Variants in CRYBG3 observed in about 807,000 individuals in gnomAD.
CRYBG3 encodes the protein crystallin beta-gamma domain containing 3.
In CRYBG3, 127 loss-of-function variants were observed where a neutral mutation model predicts 244.2. The observed-to-expected ratio is 0.52, with a 90% CI of 0.45 to 0.60. The LOEUF is 0.60. Ranked by LOEUF, CRYBG3 falls within the 20% of genes least tolerant of loss-of-function variation. The probability of loss-of-function intolerance (pLI) is 0.00; values close to 1 mark genes in which losing one functional copy is unlikely to be tolerated. For missense variants in CRYBG3, 3,325 were observed against 3,442.5 expected, an observed-to-expected ratio of 0.97 and a Z score of 0.85; for synonymous variants, 1,132 against 1,195.8, an observed-to-expected ratio of 0.95 and a Z score of 1.10.
intron 19 of CRYBG3, among the ~76,000 whole-genome samples, chr3:97,939,305 T>A (rs536365521): frequency 1.3e-4 from 20 of 152,200 alleles, no homozygotes; most frequent in African/African-American, 4.8e-4. Flanking sequence ...TTATTTTTCC[T>A]TTTGTTTATT....
Position 97,892,917 on chromosome 3 carries a change from A to G in CRYBG3, c.7498A>G (p.Ile2500Val), listed in dbSNP as rs1411382195. ...HGQAKEFSEHIDSVPNFLKNN... is the reference protein window; with the variant it reads ...HGQAKEFSEHVDSVPNFLKNN... Reference sequence around the variant, plus strand: ...ACAGGCTAAAGAGTTTAGTGAACATATAGATTCTGTTCCTAATTTTTTGAA... The same window carrying G: ...ACAGGCTAAAGAGTTTAGTGAACATGTAGATTCTGTTCCTAATTTTTTGAA... Residue 2500 changes from isoleucine to valine, a missense_variant, in exon 11 of 22, where the codon ATA becomes GTA. Physicochemically the swap from Ile to Val is conservative, Grantham distance 29. Around this residue, in one of 4 missense-constraint regions of CRYBG3, gnomAD observed 714 missense variants for 803.6 expected, o/e 0.89. Coordinates refer to ENST00000389622, the MANE Select transcript of CRYBG3 (RefSeq NM_153605.4). 8 of 1,588,046 alleles carry G rather than the reference A, an allele frequency of 5.0e-6. No homozygotes were observed. The highest frequency in any genetic ancestry group is 2.3e-5 in the South Asian group (2 of 88,296).
intron 17 of CRYBG3, among the ~76,000 whole-genome samples, chr3:97,916,072 A>C (rs2039925761): frequency 2.0e-5 from 3 of 152,186 alleles, no homozygotes; most frequent in Admixed American, 1.3e-4. Flanking sequence ...AATAATAACA[A>C]TAGCACTTAC....
intron 4 of CRYBG3, 127 bp from the exon 5 acceptor site, chr3:97,879,577 G>A (rs1246856997): frequency 1.6e-6 from 1 of 618,412 alleles, no homozygotes; most frequent in Non-Finnish European, 2.8e-6. Context: ...ATCGAGAGAA[G>A]CACCTTGCTC....
At chr3:97,826,371 G>A (rs553346894) in intron 1 of CRYBG3, among the ~76,000 whole-genome samples, 2 of 152,216 alleles carry the variant, frequency 1.3e-5, no homozygotes, top group East Asian at 3.9e-4. Context: ...TATATAATCA[G>A]AACTTCTAAC....
chr3:97,886,163 T>C (rs1342095876), intron 7 of CRYBG3, among the ~76,000 whole-genome samples: 2 of 152,190 alleles, frequency 1.3e-5, no homozygotes, highest in East Asian at 3.8e-4. Context: ...CTTTTGTCAA[T>C]GTAAATTAGA....
At chr3:97,892,302 C>T (rs1179385220) in intron 10 of CRYBG3, among the ~76,000 whole-genome samples, 1 of 152,104 alleles carries the variant, frequency 6.6e-6, no homozygotes, top group African/African-American at 2.4e-5. Flanking sequence ...GCTATTGTTT[C>T]TACGGTTAAT....
At chr3:97,852,631 A>G (rs915052930) in intron 2 of CRYBG3, among the ~76,000 whole-genome samples, 6 of 152,188 alleles carry the variant, frequency 3.9e-5, no homozygotes, top group African/African-American at 1.4e-4. Context: ...TAGTGCTGCA[A>G]TAAACATGGG....
intron 15 of CRYBG3, among the ~76,000 whole-genome samples, chr3:97,903,708 G>T (rs1229898818): frequency 1.3e-5 from 2 of 152,038 alleles, no homozygotes; most frequent in African/African-American, 2.4e-5. Flanking sequence ...TTTTTAGTTT[G>T]TCATATTAAA....
At chr3:97,892,212 A>G (rs1576547265) in intron 10 of CRYBG3, among the ~76,000 whole-genome samples, 1 of 152,164 alleles carries the variant, frequency 6.6e-6, no homozygotes, top group South Asian at 2.1e-4. Context: ...CTTGGTACCT[A>G]TAGAATGAAA....
Position 97,872,229 on chromosome 3 carries a change from G to T in CRYBG3, c.1035G>T (p.Arg345Ser), listed in dbSNP as rs1183372592. 6.5e-7 allele frequency: 1 copy of T among 1,535,752 alleles called. No homozygotes were observed. The highest frequency in any genetic ancestry group is 1.2e-5 in the South Asian group (1 of 84,036). The change falls in exon 4 of 22, where the codon AGG (arginine) becomes AGT (serine). Residue 345 changes from arginine (R) to serine (S), a missense_variant. This residue lies in a region of CRYBG3 where 1,526 missense variants were observed against 1,443.2 expected (regional missense o/e 1.06). Transcript: ENST00000389622. ...KNAWGSIERN[R>S]SSPSSVTNSS... ...CTTGGGGGAGTATTGAGAGAAATAG[G>T]TCATCCCCTTCTTCTGTGACTAACT...
intron 1 of CRYBG3, among the ~76,000 whole-genome samples, chr3:97,827,099 C>G (rs1040064975): frequency 6.6e-6 from 1 of 152,198 alleles, no homozygotes; most frequent in African/African-American, 2.4e-5. Context: ...CCTCCTTGAC[C>G]CTTCAGGCTT....
chr3:97,824,369 GTGA>G (rs1368185157), intron 1 of CRYBG3, among the ~76,000 whole-genome samples: 1 of 152,190 alleles, frequency 6.6e-6, no homozygotes, highest in Non-Finnish European at 1.5e-5. Flanking sequence ...ACCTTCTGTA[GTGA>G]TGATTTTAGA....
At chr3:97,898,285 A>G (rs2108238397) in intron 12 of CRYBG3, among the ~76,000 whole-genome samples, 1 of 151,002 alleles carries the variant, frequency 6.6e-6, no homozygotes, top group East Asian at 1.9e-4. Context: ...TTAATTTACT[A>G]ATGAAATTAG....
chr3:97,926,678 C>G (rs1022836619), intron 17 of CRYBG3, among the ~76,000 whole-genome samples: 2 of 152,052 alleles, frequency 1.3e-5, no homozygotes, highest in Admixed American at 1.3e-4. Context: ...ACCCCATAGT[C>G]TCTGCCCAGA....
At chr3:97,911,110 T>A (rs1407155686) in intron 15 of CRYBG3, among the ~76,000 whole-genome samples, 1 of 152,174 alleles carries the variant, frequency 6.6e-6, no homozygotes. Context: ...TGATCTTTGA[T>A]AACAGATCAA....
intron 1 of CRYBG3, among the ~76,000 whole-genome samples, chr3:97,836,725 G>A (rs1018723402): frequency 3.9e-5 from 6 of 152,104 alleles, no homozygotes; most frequent in Non-Finnish European, 8.8e-5. Context: ...CCTAAAGGAG[G>A]GCTGAGAGGT....
At chr3:97,857,284 G>C (rs2039079195) in intron 2 of CRYBG3, among the ~76,000 whole-genome samples, 1 of 151,970 alleles carries the variant, frequency 6.6e-6, no homozygotes, top group African/African-American at 2.4e-5. Flanking sequence ...TTAATTTGTG[G>C]CCTGAAATAT....
Position 97,892,926 on chromosome 3 carries a change from G to C in CRYBG3, c.7507G>C (p.Val2503Leu), listed in dbSNP as rs1404597550. 6.3e-7 allele frequency: 1 copy of C among 1,595,028 alleles called. No individual in the cohort carries two copies. Among genetic ancestry groups the C allele is most frequent in the Non-Finnish European group, 8.6e-7 (1 of 1,168,028 alleles). The change falls in exon 11 of 22, where the codon GTT (valine) becomes CTT (leucine). Residue 2503 changes from valine (V) to leucine (L), a missense_variant. Val to Leu is a conservative substitution (Grantham distance 32, BLOSUM62 1). This residue lies in a region of CRYBG3 where 714 missense variants were observed against 803.6 expected (regional missense o/e 0.89). Coordinates refer to ENST00000389622, the MANE Select transcript of CRYBG3 (RefSeq NM_153605.4). The stretch of plus-strand genomic sequence containing the variant: ...AGAGTTTAGTGAACATATAGATTCT[G>C]TTCCTAATTTTTTGAAAAATAATGG... ...AKEFSEHIDSVPNFLKNNGDF... is the reference protein window; with the variant it reads ...AKEFSEHIDSLPNFLKNNGDF...
In CRYBG3 at chr3:97,875,882, C is replaced by T. The variant is rs2039365180; in HGVS notation, c.4688C>T (p.Ala1563Val). The T allele has an allele frequency of 8.1e-7, 1 of 1,231,570 alleles. No homozygotes were observed. The highest frequency in any genetic ancestry group is 4.1e-5 in the South Asian group (1 of 24,296). 76.3% of individuals were successfully genotyped at this position (1,231,570 alleles called of 1,614,324 possible). A position where few individuals can be genotyped will look rare whatever the true frequency, so the allele number is the denominator to read the frequency against. The change falls in exon 4 of 22, where the codon GCA becomes GTA. Residue 1563 changes from alanine (A) to valine (V), a missense_variant. By Grantham distance (64) the Ala-to-Val change is moderately conservative. Around this residue, in one of 4 missense-constraint regions of CRYBG3, gnomAD observed 635 missense variants for 771.7 expected, o/e 0.82. Transcript: ENST00000389622. ...GAATTGAATATTCTGAAATATGAGG[C>T]AGTCCCTCCTATGATAGAAATGGGA... ...DAELNILKYEAVPPMIEMGRI... is the reference protein window; with the variant it reads ...DAELNILKYEVVPPMIEMGRI...
Sources: gnomAD v4.1 joint callset for allele counts (sites outside exome capture counted in the v4.1 genomes callset) on GRCh38, gnomAD v4.1.1 for gene constraint, gnomAD v4.1.1 regional missense constraint, MANE v1.5 for transcripts, NCBI Gene and HGNC (gene_info 2026-07-23, HGNC 2026-07-21) for gene names.